Variants in MCF2L2 observed in about 807,000 individuals in gnomAD.
The protein encoded by MCF2L2 is MCF.2 cell line derived transforming sequence-like 2, also known as probable guanine nucleotide exchange factor MCF2L2.
In MCF2L2, 102 loss-of-function variants were observed where a neutral mutation model predicts 150.2. That is an observed-to-expected ratio of 0.68 (90% CI 0.58 to 0.80). The LOEUF is 0.80. Among genes scored for constraint, MCF2L2 ranks in the 30% least tolerant of loss-of-function variants. The pLI, the probability that MCF2L2 is intolerant of heterozygous loss-of-function variation, is 0.00. For missense variants in MCF2L2, 1,256 were observed against 1,372.8 expected (o/e 0.91, Z 1.34); for synonymous variants, 465 against 491.3 (o/e 0.95, Z 0.71).
chr3:183,398,795 A>T (rs1468400979), intron 1 of MCF2L2, among the ~76,000 whole-genome samples: 1 of 152,188 alleles, frequency 6.6e-6, no homozygotes, highest in Non-Finnish European at 1.5e-5. Flanking sequence ...GGTCTTTTAG[A>T]TACTCACAAA....
chr3:183,264,896 C>T lies in MCF2L2; in HGVS notation c.1862+11976G>A, dbSNP rs1725949867. ...CTGAAAAGTATTTGGGATCTGTCAC[C>T]TCTTTTCTGATGTTCCTACTTCTAT... is the stretch of plus-strand genomic sequence containing the variant. On this transcript the variant is annotated intron_variant, in intron 15 of 29. Transcript: ENST00000328913. Among the ~76,000 whole-genome samples, 3 of 152,302 alleles carry T rather than the reference C, an allele frequency of 2.0e-5. No homozygotes were observed. In the South Asian group the frequency reaches 6.2e-4, roughly 32 times the overall value.
chr3:183,385,470 G>A (rs924310834), intron 2 of MCF2L2, among the ~76,000 whole-genome samples: 2 of 152,174 alleles, frequency 1.3e-5, no homozygotes, highest in Admixed American at 1.3e-4. Context: ...GTGTGTATGA[G>A]GTGAAACTGG....
chr3:183,200,554 T>A (rs56345563), intron 25 of MCF2L2, among the ~76,000 whole-genome samples: 80,414 of 152,014 alleles, frequency 0.53, 21,965 homozygotes, highest in East Asian at 0.67. Flanking sequence ...TTGTAAACAT[T>A]TTCTCCCATT....
intron 21 of MCF2L2, among the ~76,000 whole-genome samples, chr3:183,216,552 T>TTATATATATATA (rs1302056111): frequency 1.2e-3 from 40 of 33,076 alleles, no homozygotes; most frequent in African/African-American, 1.9e-3. Context: ...AGTATATATA[T>TTATATATATATA]TATATATATA....
intron 27 of MCF2L2, among the ~76,000 whole-genome samples, chr3:183,188,620 T>C (rs1193811764): frequency 6.6e-6 from 1 of 152,206 alleles, no homozygotes; most frequent in Non-Finnish European, 1.5e-5. Flanking sequence ...GACTCTGTCC[T>C]GTGATCACGT....
intron 3 of MCF2L2, among the ~76,000 whole-genome samples, chr3:183,361,016 A>AGACC (rs1560040154): frequency 1.8e-4 from 26 of 141,128 alleles, no homozygotes; most frequent in African/African-American, 7.1e-4. Context: ...AAGAAAAGAA[A>AGACC]AGAAAAGAGA....
intron 21 of MCF2L2, among the ~76,000 whole-genome samples, chr3:183,216,641 G>A (rs1722955949): frequency 8.2e-6 from 1 of 121,512 alleles, no homozygotes; most frequent in Admixed American, 9.1e-5. Flanking sequence ...GTTTCACTCT[G>A]TCACCCAGGC....
intron 3 of MCF2L2, among the ~76,000 whole-genome samples, chr3:183,352,139 A>G (rs1223340108): frequency 6.6e-6 from 1 of 152,086 alleles, no homozygotes; most frequent in East Asian, 1.9e-4. Flanking sequence ...ACCTCATCTT[A>G]TCTTTTGCTA....
chr3:183,266,080 G>A (rs1028683949), intron 15 of MCF2L2: 3 of 152,160 alleles, frequency 2.0e-5, no homozygotes, highest in Non-Finnish European at 2.9e-5. Context: ...ACCAGCTGCC[G>A]GCTTACAGTA....
intron 21 of MCF2L2, among the ~76,000 whole-genome samples, chr3:183,216,572 ATATATATATTTTTTTTTTTTTTTTT>A (rs1347958928): frequency 0.034 from 651 of 19,088 alleles, 28 homozygotes; most frequent in Non-Finnish European, 0.058. Context: ...ATATATATAT[ATATATATATTTTTTTTTTTTTTTTT>A]TTTTTTTTTT....
intron 3 of MCF2L2, among the ~76,000 whole-genome samples, chr3:183,353,336 G>A (rs936759859): frequency 8.5e-5 from 13 of 152,166 alleles, no homozygotes; most frequent in Non-Finnish European, 1.6e-4. Flanking sequence ...CTTTAATAAT[G>A]AAGGAATCCC....
rs1366116389 is a variant in MCF2L2 at position 183,267,979 on chromosome 3, C to T, written c.1862+8893G>A. ...GCTGAGTGTAGGGTGTCCACAACATCGTGCCTAAAAAGTCTCTGTATGGGG... is the reference window on the plus strand; with the variant it reads ...GCTGAGTGTAGGGTGTCCACAACATTGTGCCTAAAAAGTCTCTGTATGGGG... On this transcript the variant is annotated intron_variant, in intron 15 of 29. Coordinates refer to ENST00000328913, the MANE Select transcript of MCF2L2 (RefSeq NM_015078.4). The surrounding 1 kb of genome is among the most constrained non-coding windows in gnomAD (Gnocchi z 5.5). Among the ~76,000 whole-genome samples, 1 of 152,098 alleles carries T rather than the reference C, an allele frequency of 6.6e-6. No individual in the cohort carries two copies. Among genetic ancestry groups the T allele is most frequent in the African/African-American group, 2.4e-5 (1 of 41,408 alleles).
At chr3:183,214,641 A>G (rs569183860) in intron 22 of MCF2L2, among the ~76,000 whole-genome samples, 2 of 152,230 alleles carry the variant, frequency 1.3e-5, no homozygotes, top group East Asian at 3.9e-4. Context: ...AAAAAGTATA[A>G]TATAATCACA....
intron 17 of MCF2L2, among the ~76,000 whole-genome samples, chr3:183,229,409 G>A (rs1378688341): frequency 1.3e-5 from 2 of 152,156 alleles, no homozygotes; most frequent in African/African-American, 4.8e-5. Context: ...AATAAACAAA[G>A]GAACACTCAA....
At chr3:183,292,077 A>ATGTGTGTGGATGTG (rs1455220145) in intron 13 of MCF2L2, among the ~76,000 whole-genome samples, 1 of 146,658 alleles carries the variant, frequency 6.8e-6, no homozygotes, top group African/African-American at 2.4e-5. Context: ...GTGAGAGTGT[A>ATGTGTGTGGATGTG]TGTGTGTGGA....
At chr3:183,385,748 G>A (rs968423470) in intron 2 of MCF2L2, among the ~76,000 whole-genome samples, 5 of 152,158 alleles carry the variant, frequency 3.3e-5, no homozygotes, top group Non-Finnish European at 5.9e-5. Flanking sequence ...CCTGACCACC[G>A]TCTCCTGTGG....
intron 10 of MCF2L2, among the ~76,000 whole-genome samples, chr3:183,307,296 G>T (rs1444537413): frequency 6.6e-6 from 1 of 152,198 alleles, no homozygotes; most frequent in Non-Finnish European, 1.5e-5. Context: ...AGGACAAATG[G>T]AAAGATTAGC....
intron 14 of MCF2L2, among the ~76,000 whole-genome samples, chr3:183,286,001 T>C (rs1057098441): frequency 2.6e-5 from 4 of 152,204 alleles, no homozygotes; most frequent in Admixed American, 1.3e-4. Flanking sequence ...AGCGAATCGC[T>C]TCCACCACCG....
At chr3:183,275,938 A>G (rs1463775257) in intron 15 of MCF2L2, among the ~76,000 whole-genome samples, 3 of 152,238 alleles carry the variant, frequency 2.0e-5, no homozygotes, top group Non-Finnish European at 4.4e-5. Flanking sequence ...TTATAAGTTA[A>G]TACAATAATT....
Sources: allele counts gnomAD v4.1 joint callset (sites outside exome capture counted in the v4.1 genomes callset), GRCh38; gene constraint gnomAD v4.1.1; non-coding constraint Gnocchi (gnomAD v3.1); transcripts MANE v1.5; gene names NCBI Gene and HGNC (gene_info 2026-07-23, HGNC 2026-07-21).